The following CCDC88A variants were observed in gnomAD, a reference collection of about 807,000 sequenced individuals.
The protein encoded by CCDC88A is girdin.
A neutral mutation model predicts 234.3 loss-of-function variants in CCDC88A; 54 were observed. That is an observed-to-expected ratio of 0.23 (90% CI 0.19 to 0.29). The LOEUF (loss-of-function observed/expected upper bound fraction) is 0.29, where lower values mean the gene tolerates loss of function less well. Ranked by LOEUF, CCDC88A falls within the 10% of genes least tolerant of loss-of-function variation. The pLI is 1.00. For synonymous variants in CCDC88A, 753 were observed against 737.8 expected, an observed-to-expected ratio of 1.02 and a Z score of -0.33; for missense variants, 1,832 against 2,123.4, an observed-to-expected ratio of 0.86 and a Z score of 2.70.
rs1299302235 is a variant in CCDC88A, at chr2:55,289,261, G to C, written c.*1939C>G. 2 of 152,580 alleles carry C rather than the reference G, an allele frequency of 1.3e-5. No homozygotes were observed. Among genetic ancestry groups the C allele is most frequent in the Non-Finnish European group, 2.9e-5 (2 of 68,014 alleles). 9.5% of individuals were successfully genotyped at this position (152,580 alleles called of 1,614,324 possible). A position where few individuals can be genotyped will look rare whatever the true frequency, so the allele number is the denominator to read the frequency against. On this transcript the variant is annotated 3_prime_UTR_variant, in exon 33 of 33. Coordinates refer to ENST00000436346, the MANE Select transcript of CCDC88A (RefSeq NM_001365480.1). The stretch of plus-strand genomic sequence containing the variant: ...CTTTTCAGTAATTGTTCTGGGATGT[G>C]TTCTAGTTGTGCAAATTAGATGCTA...
At chr2:55,323,281 T>A (rs751174885) in intron 17 of CCDC88A, 1 of 152,206 alleles carries the variant, frequency 6.6e-6, no homozygotes, top group African/African-American at 2.4e-5. Flanking sequence ...TATTAAACTA[T>A]CTTGAAGCAC....
intron 2 of CCDC88A, among the ~76,000 whole-genome samples, chr2:55,409,238 T>G (rs979021755): frequency 7.9e-5 from 12 of 152,220 alleles, no homozygotes; most frequent in African/African-American, 2.9e-4. Context: ...CACCGTTATT[T>G]ACATCTTCAT....
intron 3 of CCDC88A, among the ~76,000 whole-genome samples, chr2:55,386,816 CA>C (rs1305875862): frequency 6.6e-6 from 1 of 151,884 alleles, no homozygotes; most frequent in Non-Finnish European, 1.5e-5. Flanking sequence ...AACTATCTTC[CA>C]AAAACAAGAG....
At chr2:55,393,976 T>C (rs1437170373) in intron 2 of CCDC88A, among the ~76,000 whole-genome samples, 1 of 152,210 alleles carries the variant, frequency 6.6e-6, no homozygotes, top group East Asian at 1.9e-4. Context: ...TTTTATTTTT[T>C]TGAAGGCAGT....
At chr2:55,376,479 C>T (rs1673669364) in intron 3 of CCDC88A, among the ~76,000 whole-genome samples, 1 of 152,142 alleles carries the variant, frequency 6.6e-6, no homozygotes, top group Non-Finnish European at 1.5e-5. Context: ...AGAGCACTTA[C>T]CCATGGTCAG....
intron 2 of CCDC88A, among the ~76,000 whole-genome samples, chr2:55,395,052 G>C (rs1193122016): frequency 6.6e-6 from 1 of 151,972 alleles, no homozygotes; most frequent in Non-Finnish European, 1.5e-5. Flanking sequence ...CACCATGTTG[G>C]CCAGGCTGGT....
chr2:55,298,764 A>T (rs554421318), intron 29 of CCDC88A, among the ~76,000 whole-genome samples: 1 of 151,040 alleles, frequency 6.6e-6, no homozygotes, highest in African/African-American at 2.4e-5. Context: ...AGTCCCAGTT[A>T]CGTGGGAGGC....
intron 25 of CCDC88A, chr2:55,307,980 T>G (rs1339138433): frequency 6.8e-6 from 1 of 148,024 alleles, no homozygotes; most frequent in South Asian, 2.1e-4. Flanking sequence ...TTCTTTCTTT[T>G]TTTTTTTTTT....
At chr2:55,298,119 T>C (rs892126306) in intron 29 of CCDC88A, among the ~76,000 whole-genome samples, 6 of 152,202 alleles carry the variant, frequency 3.9e-5, no homozygotes, top group Non-Finnish European at 5.9e-5. Flanking sequence ...ATCTATGGTG[T>C]TCCTTAAGAG....
intron 2 of CCDC88A, among the ~76,000 whole-genome samples, chr2:55,393,474 A>T: frequency 6.6e-6 from 1 of 151,180 alleles, no homozygotes. Context: ...TTGTATTTTT[A>T]GTAGTGACGG....
intron 12 of CCDC88A, 51 bp from the exon 13 acceptor site, chr2:55,339,699 A>G (rs762912169): frequency 1.3e-6 from 2 of 1,485,572 alleles, no homozygotes; most frequent in Admixed American, 2.3e-5. Context: ...TGTTTTTACT[A>G]TGTTTACTCT....
At chr2:55,375,274 C>A (rs1673448006) in intron 3 of CCDC88A, among the ~76,000 whole-genome samples, 1 of 151,758 alleles carries the variant, frequency 6.6e-6, no homozygotes, top group Admixed American at 6.6e-5. Context: ...GCATTCAAGT[C>A]AAAATGGTCT....
chr2:55,419,327 G>T lies in CCDC88A; in HGVS notation c.-248C>A. The T allele has an allele frequency of 2.2e-6, 1 of 461,456 alleles. No homozygotes were observed. The allele number at this position is 461,456 out of a possible 1,614,324, so 28.6% of individuals were successfully genotyped here. ...AGCCTGCGCTGGAAATGTCTGTACC[G>T]GGCGAGGAGGGGCAGAGAAAAGGCA... On this transcript the variant is annotated 5_prime_UTR_variant, in exon 1 of 33. Coordinates refer to ENST00000436346, the MANE Select transcript of CCDC88A (RefSeq NM_001365480.1).
chr2:55,321,115 GA>G (rs60858860), intron 18 of CCDC88A: 59,290 of 106,096 alleles, frequency 0.56, 13,451 homozygotes, highest in East Asian at 0.82. Flanking sequence ...TCTCAGAGAA[GA>G]AAAAAAAAAA....
At chr2:55,385,017 T>G (rs1675359563) in intron 3 of CCDC88A, among the ~76,000 whole-genome samples, 1 of 152,126 alleles carries the variant, frequency 6.6e-6, no homozygotes, top group Non-Finnish European at 1.5e-5. Context: ...AAATCTGCTC[T>G]GAAGCAATGC....
At chr2:55,347,366 G>C (rs951846750) in intron 9 of CCDC88A, among the ~76,000 whole-genome samples, 4 of 152,006 alleles carry the variant, frequency 2.6e-5, no homozygotes, top group Admixed American at 2.6e-4. Flanking sequence ...GACATTATTT[G>C]TCTTTTTCAC....
chr2:55,390,744 A>T, intron 2 of CCDC88A, among the ~76,000 whole-genome samples: 1 of 152,174 alleles, frequency 6.6e-6, no homozygotes, highest in Non-Finnish European at 1.5e-5. Flanking sequence ...ACAAAGCTGG[A>T]GTTCATGGAT....
intron 6 of CCDC88A, among the ~76,000 whole-genome samples, chr2:55,362,665 C>T (rs1159484507): frequency 6.6e-6 from 1 of 151,870 alleles, no homozygotes; most frequent in African/African-American, 2.4e-5. Flanking sequence ...TATTCATTTT[C>T]TAGTCAACAA....
chr2:55,341,676 C>G (rs1427005066), intron 12 of CCDC88A, among the ~76,000 whole-genome samples: 1 of 151,924 alleles, frequency 6.6e-6, no homozygotes, highest in Non-Finnish European at 1.5e-5. Context: ...AACTCTTGAC[C>G]TCGTGATCCA....
Sources: allele counts gnomAD v4.1 joint callset (sites outside exome capture counted in the v4.1 genomes callset), GRCh38; gene constraint gnomAD v4.1.1; transcripts MANE v1.5; gene names NCBI Gene and HGNC (gene_info 2026-07-23, HGNC 2026-07-21).